The following CELSR1 variants were observed in gnomAD, a reference collection of about 807,000 sequenced individuals.
CELSR1 encodes the protein cadherin EGF LAG seven-pass G-type receptor 1, also known as adhesion G protein-coupled receptor C1.
CELSR1 carries 110 observed loss-of-function variants against 249.1 expected under a neutral mutation model. The observed-to-expected ratio is 0.44, with a 90% CI of 0.38 to 0.52. The LOEUF (loss-of-function observed/expected upper bound fraction) is 0.52. CELSR1 is among the 20% of genes least tolerant of loss of function. The probability of loss-of-function intolerance (pLI) is 0.00; values close to 1 mark genes in which losing one functional copy is unlikely to be tolerated. For missense variants in CELSR1, 4,109 were observed against 4,296.4 expected (o/e 0.96, Z 1.22); for synonymous variants, 2,113 against 1,900.0 (o/e 1.11, Z -2.92).
At chr22:46,378,519 TGCAGGTTTGGGGGGGAGGG>T in intron 23 of CELSR1, 53 bp downstream of exon 23, 2 of 1,433,556 alleles carry the variant, frequency 1.4e-6, no homozygotes, top group South Asian at 1.3e-5. Flanking sequence ...GGCGGGGAGG[TGCAGGTTTGGGGGGGAGGG>T]GCAGGTTTGG....
chr22:46,453,252 T>C (rs893750127), intron 2 of CELSR1, among the ~76,000 whole-genome samples: 3 of 152,150 alleles, frequency 2.0e-5, no homozygotes, highest in Non-Finnish European at 4.4e-5. Flanking sequence ...AGGGAAACCG[T>C]GCCAACTACG....
At chr22:46,421,904 T>G (rs148040502) in intron 5 of CELSR1, among the ~76,000 whole-genome samples, 2,212 of 152,246 alleles carry the variant, frequency 0.015, 30 homozygotes, top group Non-Finnish European at 0.02. Flanking sequence ...CTGGGGAGCA[T>G]CCCCATCCCC....
intron 23 of CELSR1, among the ~76,000 whole-genome samples, chr22:46,378,148 C>G (rs930088881): frequency 1.3e-5 from 2 of 152,256 alleles, no homozygotes; most frequent in African/African-American, 4.8e-5. Context: ...AGCCTTTTGT[C>G]CTGCTGCCCT....
chr22:46,485,039 A>G (rs1461231180), intron 1 of CELSR1, among the ~76,000 whole-genome samples: 3 of 152,046 alleles, frequency 2.0e-5, no homozygotes, highest in Non-Finnish European at 2.9e-5. Flanking sequence ...GTCATTTGAG[A>G]TGATTAACTA....
rs954830220 is a variant in CELSR1 at position 46,406,110 on chromosome 22, C to T, written c.5226+2886G>A. Among the ~76,000 whole-genome samples, 5 of 152,306 alleles carry T rather than the reference C, an allele frequency of 3.3e-5. No homozygotes were observed. Among genetic ancestry groups the T allele is most frequent in the Non-Finnish European group, 5.9e-5 (4 of 68,032 alleles). On this transcript the variant is annotated intron_variant, in intron 9 of 34. Coordinates refer to ENST00000674500, the MANE Select transcript of CELSR1 (RefSeq NM_001378328.1). The surrounding 1 kb of genome is among the most constrained non-coding windows in gnomAD (Gnocchi z 5.4). The stretch of plus-strand genomic sequence containing the variant: ...CTTCCAGCACCATTCCTACTGAAAG[C>T]GCACTTTTTTCCTACAGAGACCCCA...
In CELSR1 at chr22:46,408,615, A is replaced by G. The variant is rs1294492251; in HGVS notation, c.5226+381T>C. Among the ~76,000 whole-genome samples the G allele has an allele frequency of 1.3e-5, 2 of 152,212 alleles. No individual in the cohort carries two copies. Among genetic ancestry groups the G allele is most frequent in the Non-Finnish European group, 1.5e-5 (1 of 68,024 alleles). On this transcript the variant is annotated intron_variant, in intron 9 of 34. Coordinates refer to ENST00000674500, the MANE Select transcript of CELSR1 (RefSeq NM_001378328.1). The surrounding 1 kb of genome is among the most constrained non-coding windows in gnomAD (Gnocchi z 4.6). ...CACCCAAAGTGTTGGGATTACAGGCATGAGCCACCACCCCGGCCTGCACCT... is the reference window on the plus strand; with the variant it reads ...CACCCAAAGTGTTGGGATTACAGGCGTGAGCCACCACCCCGGCCTGCACCT...
At chr22:46,443,687 G>C (rs2079782753) in intron 2 of CELSR1, among the ~76,000 whole-genome samples, 1 of 152,066 alleles carries the variant, frequency 6.6e-6, no homozygotes, top group Non-Finnish European at 1.5e-5. Context: ...ATACACATGC[G>C]TTGACACACC....
intron 3 of CELSR1, 32 bp downstream of exon 3, chr22:46,439,156 AC>A (rs1006361864): frequency 1.9e-6 from 3 of 1,581,912 alleles, no homozygotes; most frequent in African/African-American, 1.3e-5. Flanking sequence ...TCCTAAAGAG[AC>A]CCCCGTGTGG....
At chr22:46,486,719 T>G (rs1431271431) in intron 1 of CELSR1, among the ~76,000 whole-genome samples, 1 of 151,880 alleles carries the variant, frequency 6.6e-6, no homozygotes, top group Non-Finnish European at 1.5e-5. Context: ...GGCGCACACC[T>G]GCAATTCCAG....
intron 19 of CELSR1, among the ~76,000 whole-genome samples, chr22:46,385,342 C>G (rs1324332806): frequency 6.6e-6 from 1 of 152,154 alleles, no homozygotes; most frequent in East Asian, 1.9e-4. Context: ...AGCAATCTGC[C>G]CATCTCAGCC....
rs200768249 is a variant in CELSR1 at position 46,398,649 on chromosome 22, G to T, written c.5413-12C>A. 7.5e-6 allele frequency: 12 copies of T among 1,599,318 alleles called. No individual in the cohort carries two copies. Among genetic ancestry groups the T allele is most frequent in the Non-Finnish European group, 1.0e-5 (12 of 1,171,728 alleles). ...ATATCTGCCTTGTTCTGTGCGGAGA[G>T]AGGGGCCGGGGATCTGGGGGCTGCA... On this transcript the variant is annotated splice_polypyrimidine_tract_variant and intron_variant, in intron 10 of 34. Transcript: ENST00000674500. This position sits in a 1 kb window ranked among gnomAD's most constrained non-coding sequence, Gnocchi z 7.2.
rs1018085963 is a variant in CELSR1, at chr22:46,408,687, C to T, written c.5226+309G>A. On this transcript the variant is annotated intron_variant, in intron 9 of 34. Transcript: ENST00000674500. The surrounding 1 kb of genome is among the most constrained non-coding windows in gnomAD (Gnocchi z 4.6). ...GGCTCACTGTTTCCGCCTGAAGGCT[C>T]GGCACCTCCCTCAGTTCTGCAATGC... Among the ~76,000 whole-genome samples the T allele has an allele frequency of 5.9e-5, 9 of 152,268 alleles. No individual in the cohort carries two copies. The highest frequency in any genetic ancestry group is 1.2e-4 in the African/African-American group (5 of 41,542).
Position 46,402,032 on chromosome 22 carries a change from G to C in CELSR1, c.5227-2130C>G, listed in dbSNP as rs2079215414. Among the ~76,000 whole-genome samples the C allele has an allele frequency of 1.3e-5, 2 of 151,920 alleles. No individual in the cohort carries two copies. Among genetic ancestry groups the C allele is most frequent in the African/African-American group, 4.8e-5 (2 of 41,350 alleles). On this transcript the variant is annotated intron_variant, in intron 9 of 34. Transcript: ENST00000674500. The surrounding 1 kb of genome is among the most constrained non-coding windows in gnomAD (Gnocchi z 5.0). ...GAACTCGGGAGGCGGAGGTAGCAGT[G>C]AACCGAGATCACGCCACCGCACTCC...
At position 46,517,452 on chromosome 22, in the gene CELSR1, G is replaced by A. The variant is rs939278078; in HGVS notation, c.3544+16175C>T. Among the ~76,000 whole-genome samples, 1 of 152,150 alleles carries A rather than the reference G, an allele frequency of 6.6e-6. No individual in the cohort carries two copies. Among genetic ancestry groups the A allele is most frequent in the Non-Finnish European group, 1.5e-5 (1 of 68,026 alleles). On this transcript the variant is annotated intron_variant, in intron 1 of 34. Coordinates refer to ENST00000674500, the MANE Select transcript of CELSR1 (RefSeq NM_001378328.1). This position sits in a 1 kb window ranked among gnomAD's most constrained non-coding sequence, Gnocchi z 5.4. ...CCATCTGGCACTTGTCATCTTCCAC[G>A]GGGCACAAGGCGGTATCTGGAGGGT...
rs6008782 is a variant in CELSR1 at position 46,374,823 on chromosome 22, A to G, written c.7585-1766T>C. Among the ~76,000 whole-genome samples the G allele has an allele frequency of 0.31, 47,268 of 152,224 alleles. 13,291 individuals are homozygous for G. The highest frequency in any genetic ancestry group is 0.76 in the African/African-American group (31,425 of 41,526). On this transcript the variant is annotated intron_variant, in intron 24 of 34. Transcript: ENST00000674500. This position sits in a 1 kb window ranked among gnomAD's most constrained non-coding sequence, Gnocchi z 4.3. ...ATTGCGGGGATGCGCCCGGCTGCGG[A>G]TGTGAAGAAACCCCTCCGCAGGAGC... is the stretch of plus-strand genomic sequence containing the variant.
At chr22:46,528,534 G>A (rs944619918) in intron 1 of CELSR1, among the ~76,000 whole-genome samples, 49 of 152,138 alleles carry the variant, frequency 3.2e-4, no homozygotes, top group Non-Finnish European at 5.9e-4. Context: ...CTGCACCCAC[G>A]GACACACACT....
rs2079728837 is a variant in CELSR1 at position 46,440,265 on chromosome 22, G to T, written c.4184-854C>A. 6.6e-6 allele frequency among the ~76,000 whole-genome samples: 1 copy of T among 152,216 alleles called. No homozygotes were observed. Among genetic ancestry groups the T allele is most frequent in the South Asian group, 2.1e-4 (1 of 4,818 alleles). On this transcript the variant is annotated intron_variant, in intron 2 of 34. Coordinates refer to ENST00000674500, the MANE Select transcript of CELSR1 (RefSeq NM_001378328.1). This position sits in a 1 kb window ranked among gnomAD's most constrained non-coding sequence, Gnocchi z 4.7. ...CCGCTGCATCCTCCAGCAACCAGGT[G>T]TGTGGCTGGTGACACTCCCGCCCCC...
rs1293496391 is a variant in CELSR1, at chr22:46,390,893, C to G, written c.6250+293G>C. On this transcript the variant is annotated intron_variant, in intron 16 of 34. Transcript: ENST00000674500. This position sits in a 1 kb window ranked among gnomAD's most constrained non-coding sequence, Gnocchi z 6.3. ...CCCATTTCACAGAGGTAACCCGATGCTATGAACAGTGAAGCCACTTGTCCC... is the reference window on the plus strand; with the variant it reads ...CCCATTTCACAGAGGTAACCCGATGGTATGAACAGTGAAGCCACTTGTCCC... Among the ~76,000 whole-genome samples, 1 of 152,226 alleles carries G rather than the reference C, an allele frequency of 6.6e-6. No individual in the cohort carries two copies. Among genetic ancestry groups the G allele is most frequent in the Non-Finnish European group, 1.5e-5 (1 of 68,044 alleles).
At chr22:46,477,388 G>A (rs940761571) in intron 1 of CELSR1, among the ~76,000 whole-genome samples, 5 of 152,174 alleles carry the variant, frequency 3.3e-5, no homozygotes, top group African/African-American at 1.2e-4. Flanking sequence ...GAAGGCATTC[G>A]TTTCCTGAAC....
Sources: allele counts gnomAD v4.1 joint callset (sites outside exome capture counted in the v4.1 genomes callset), GRCh38; gene constraint gnomAD v4.1.1; non-coding constraint Gnocchi (gnomAD v3.1); transcripts MANE v1.5; gene names NCBI Gene and HGNC (gene_info 2026-07-23, HGNC 2026-07-21).